The following HMGCLL1 variants were observed in gnomAD, a reference collection of about 807,000 sequenced individuals.
HMGCLL1 encodes 3-hydroxy-3-methylglutaryl-CoA lyase like 1.
In HMGCLL1, 36 loss-of-function variants were observed where a neutral mutation model predicts 39.1. That is an observed-to-expected ratio of 0.92 (90% CI 0.71 to 1.22). The LOEUF is 1.22. HMGCLL1 is among the 50% of genes most tolerant of loss of function. The pLI is 0.00. For missense variants in HMGCLL1, 451 were observed against 416.5 expected (o/e 1.08, Z -0.72); for synonymous variants, 149 against 144.0 (o/e 1.03, Z -0.25).
chr6:55,591,699 T>C, the HMGCLL1 span, among the ~76,000 whole-genome samples: 18 of 144,204 alleles, frequency 1.2e-4, no homozygotes, highest in African/African-American at 4.7e-4. Flanking sequence ...TTTTTTTTTT[T>C]CCATTAGGGA....
the HMGCLL1 span, among the ~76,000 whole-genome samples, chr6:55,584,438 T>C: frequency 6.6e-6 from 1 of 152,246 alleles, no homozygotes; most frequent in African/African-American, 2.4e-5. Flanking sequence ...CTTACTCCCA[T>C]TCTTCACCCT....
intron 3 of HMGCLL1, among the ~76,000 whole-genome samples, chr6:55,528,476 G>A (rs1282282243): frequency 6.6e-6 from 1 of 151,958 alleles, no homozygotes; most frequent in Non-Finnish European, 1.5e-5. Flanking sequence ...TGTAGCCTGG[G>A]TACAGTAACC....
At chr6:55,588,255 C>T in the HMGCLL1 span, among the ~76,000 whole-genome samples, 2 of 152,112 alleles carry the variant, frequency 1.3e-5, no homozygotes, top group Non-Finnish European at 2.9e-5. Flanking sequence ...GAAACTCACT[C>T]AAAACCACTC....
intron 7 of HMGCLL1, among the ~76,000 whole-genome samples, chr6:55,447,044 TC>T (rs1444987896): frequency 1.3e-5 from 2 of 152,018 alleles, no homozygotes; most frequent in African/African-American, 4.8e-5. Context: ...ATGCTTATTT[TC>T]CAATATTTTT....
At chr6:55,440,198 C>T (rs1370361142) in intron 7 of HMGCLL1, among the ~76,000 whole-genome samples, 1 of 152,082 alleles carries the variant, frequency 6.6e-6, no homozygotes, top group Admixed American at 6.6e-5. Context: ...TCACTAAGTG[C>T]TGGATGCTGT....
chr6:55,521,787 C>T (rs188239774), intron 3 of HMGCLL1, among the ~76,000 whole-genome samples: 1 of 152,000 alleles, frequency 6.6e-6, no homozygotes, highest in Admixed American at 6.6e-5. Context: ...CTTAAAATGG[C>T]CTGTAATGTT....
intron 3 of HMGCLL1, among the ~76,000 whole-genome samples, chr6:55,526,132 G>A (rs561216116): frequency 6.6e-6 from 1 of 151,958 alleles, no homozygotes; most frequent in African/African-American, 2.4e-5. Context: ...TGAAGGTCTG[G>A]AGGACTCCAG....
At chr6:55,564,254 G>T (rs926355813) in intron 1 of HMGCLL1, among the ~76,000 whole-genome samples, 4 of 151,934 alleles carry the variant, frequency 2.6e-5, no homozygotes, top group Non-Finnish European at 5.9e-5. Flanking sequence ...ATTTGTTGCA[G>T]TATCTTTACT....
intron 7 of HMGCLL1, among the ~76,000 whole-genome samples, chr6:55,460,456 A>T (rs1169043275): frequency 6.6e-6 from 1 of 151,942 alleles, no homozygotes; most frequent in African/African-American, 2.4e-5. Context: ...ATCATACTTT[A>T]TCTGTTTTTA....
chr6:55,462,259 T>A (rs1380254501), intron 7 of HMGCLL1, among the ~76,000 whole-genome samples: 1 of 152,186 alleles, frequency 6.6e-6, no homozygotes, highest in East Asian at 1.9e-4. Context: ...CCATCTGCTC[T>A]CTTGGGACCT....
At chr6:55,551,395 T>C (rs1770318671) in intron 1 of HMGCLL1, among the ~76,000 whole-genome samples, 1 of 151,894 alleles carries the variant, frequency 6.6e-6, no homozygotes, top group Non-Finnish European at 1.5e-5. Context: ...ACATATTTAG[T>C]ATTAGGAACA....
intron 6 of HMGCLL1, among the ~76,000 whole-genome samples, chr6:55,496,690 C>T (rs1176864459): frequency 1.3e-5 from 2 of 151,348 alleles, no homozygotes; most frequent in Admixed American, 6.6e-5. Flanking sequence ...GCTGGAAGTG[C>T]TCCCAAGAAG....
chr6:55,575,211 A>G (rs562259419), intron 1 of HMGCLL1, among the ~76,000 whole-genome samples: 37 of 152,194 alleles, frequency 2.4e-4, no homozygotes, highest in Admixed American at 4.6e-4. Context: ...TTACAGAATG[A>G]GCAATTTCAA....
chr6:55,600,944 A>C, the HMGCLL1 span, among the ~76,000 whole-genome samples: 2 of 152,196 alleles, frequency 1.3e-5, no homozygotes, highest in Non-Finnish European at 2.9e-5. Flanking sequence ...TTATTGAGCC[A>C]AATCATGAGA....
the HMGCLL1 span, among the ~76,000 whole-genome samples, chr6:55,662,070 G>C: frequency 2.0e-5 from 3 of 151,912 alleles, no homozygotes; most frequent in African/African-American, 7.2e-5. Context: ...TTGTTTATCA[G>C]CTGAAGGAGC....
At chr6:55,496,013 T>C (rs377691858) in intron 6 of HMGCLL1, among the ~76,000 whole-genome samples, 1 of 152,128 alleles carries the variant, frequency 6.6e-6, no homozygotes, top group South Asian at 2.1e-4. Context: ...AAAATAGTAA[T>C]AAGAGATCTT....
At chr6:55,443,139 CTAAAG>C (rs75705672) in intron 7 of HMGCLL1, among the ~76,000 whole-genome samples, 10,163 of 152,052 alleles carry the variant, frequency 0.067, 417 homozygotes, top group East Asian at 0.17. Context: ...TCTCAAATCC[CTAAAG>C]TAGAGTTTCT....
At chr6:55,481,007 A>G (rs1765716914) in intron 7 of HMGCLL1, among the ~76,000 whole-genome samples, 2 of 152,216 alleles carry the variant, frequency 1.3e-5, no homozygotes, top group Admixed American at 1.3e-4. Flanking sequence ...AGGAGTGGGA[A>G]TGGTTAATGG....
chr6:55,474,219 C>T (rs2127405666), intron 7 of HMGCLL1, among the ~76,000 whole-genome samples: 1 of 151,654 alleles, frequency 6.6e-6, no homozygotes, highest in Non-Finnish European at 1.5e-5. Flanking sequence ...TCTGTTTCTT[C>T]TCCTTCTGGC....
Sources: allele counts gnomAD v4.1 joint callset (sites outside exome capture counted in the v4.1 genomes callset), GRCh38; gene constraint gnomAD v4.1.1; transcripts MANE v1.5; gene names NCBI Gene and HGNC (gene_info 2026-07-23, HGNC 2026-07-21).